The following GCNT1 variants were observed in gnomAD, a reference collection of about 807,000 sequenced individuals.
GCNT1 encodes the protein glucosaminyl (N-acetyl) transferase 1.
In GCNT1, 16 loss-of-function variants were observed where a neutral mutation model predicts 26.2. That is an observed-to-expected ratio of 0.61 (90% confidence interval 0.41 to 0.93). GCNT1 has a LOEUF of 0.93. GCNT1 is among the 40% of genes least tolerant of loss of function. The probability of loss-of-function intolerance (pLI) is 0.00; values close to 1 mark genes in which losing one functional copy is unlikely to be tolerated. For missense variants in GCNT1, 477 were observed against 526.7 expected, an observed-to-expected ratio of 0.91 and a Z score of 0.92; for synonymous variants, 183 against 190.8, an observed-to-expected ratio of 0.96 and a Z score of 0.34.
intron 1 of GCNT1, among the ~76,000 whole-genome samples, chr9:76,434,694 G>A (rs1363238068): frequency 2.0e-5 from 3 of 152,198 alleles, no homozygotes; most frequent in Non-Finnish European, 4.4e-5. Context: ...GACTGCCTGC[G>A]GGGTGGGGCA....
chr9:76,475,204 T>C (rs1191467191), intron 2 of GCNT1, among the ~76,000 whole-genome samples: 2 of 152,246 alleles, frequency 1.3e-5, no homozygotes, highest in African/African-American at 2.4e-5. Context: ...TCAATAACTG[T>C]ACCAAAATAT....
At chr9:76,400,715 G>GA in the GCNT1 span, among the ~76,000 whole-genome samples, 1 of 152,202 alleles carries the variant, frequency 6.6e-6, no homozygotes, top group Non-Finnish European at 1.5e-5. Context: ...GAGAGCAAGG[G>GA]AACCCTGTGA....
In GCNT1 at chr9:76,504,835, A is replaced by C; in HGVS notation, c.*1167A>C. 2.4e-6 allele frequency: 1 copy of C among 413,198 alleles called. No individual in the cohort carries two copies. The highest frequency in any genetic ancestry group is 4.4e-6 in the Non-Finnish European group (1 of 226,106). The allele number at this position is 413,198 out of a possible 1,614,324, so 25.6% of individuals were successfully genotyped here. ...AAGTTTCCTCCTTTCTCAACCTTCC[A>C]CGAGGAGGAAAGAAGTGTGCAGTCA... On this transcript the variant is annotated 3_prime_UTR_variant, in exon 4 of 4. Coordinates refer to ENST00000376730, the MANE Select transcript of GCNT1 (RefSeq NM_001490.5).
intron 2 of GCNT1, among the ~76,000 whole-genome samples, chr9:76,469,741 T>C (rs956495399): frequency 1.3e-5 from 2 of 152,194 alleles, no homozygotes; most frequent in African/African-American, 2.4e-5. Context: ...AGGCTTGCCA[T>C]TGTTCCTGCA....
chr9:76,408,758 G>A, the GCNT1 span, among the ~76,000 whole-genome samples: 1 of 151,946 alleles, frequency 6.6e-6, no homozygotes, highest in African/African-American at 2.4e-5. Flanking sequence ...CACAATCTTG[G>A]CTCACTGCAG....
intron 1 of GCNT1, among the ~76,000 whole-genome samples, chr9:76,426,892 C>A (rs967509017): frequency 6.6e-6 from 1 of 152,096 alleles, no homozygotes; most frequent in Non-Finnish European, 1.5e-5. Flanking sequence ...GCCTGGGCAA[C>A]AAGAGTGAGA....
intron 2 of GCNT1, among the ~76,000 whole-genome samples, chr9:76,482,261 T>TA (rs1187700085): frequency 6.6e-6 from 1 of 151,854 alleles, no homozygotes; most frequent in Non-Finnish European, 1.5e-5. Context: ...TCCTACTCCC[T>TA]AAAACTCCAT....
chr9:76,494,069 C>G (rs527325741), intron 2 of GCNT1, among the ~76,000 whole-genome samples: 2 of 151,900 alleles, frequency 1.3e-5, no homozygotes, highest in Admixed American at 6.6e-5. Flanking sequence ...TTGGTTTGTT[C>G]CCCGCCCCCC....
At chr9:76,492,735 A>T (rs1824780808) in intron 2 of GCNT1, among the ~76,000 whole-genome samples, 2 of 151,334 alleles carry the variant, frequency 1.3e-5, no homozygotes, top group South Asian at 4.2e-4. Context: ...TCTGCAAACC[A>T]CACTGATAAC....
intron 2 of GCNT1, among the ~76,000 whole-genome samples, chr9:76,478,570 A>G (rs1824320403): frequency 6.6e-6 from 1 of 152,242 alleles, no homozygotes; most frequent in Non-Finnish European, 1.5e-5. Flanking sequence ...AATAAATTTC[A>G]GACACAATAG....
intron 2 of GCNT1, among the ~76,000 whole-genome samples, chr9:76,494,863 A>C (rs1438020073): frequency 6.6e-6 from 1 of 151,834 alleles, no homozygotes; most frequent in Non-Finnish European, 1.5e-5. Flanking sequence ...TTCTGTCAGG[A>C]CCCCGGAGCT....
chr9:76,482,213 C>T (rs568813882), intron 2 of GCNT1, among the ~76,000 whole-genome samples: 6 of 151,960 alleles, frequency 3.9e-5, no homozygotes, highest in Non-Finnish European at 5.9e-5. Flanking sequence ...GTTGTACTTA[C>T]GAAAAACAGC....
rs1825236419 is a variant in GCNT1, at chr9:76,506,303, C to T, written c.*2635C>T. ...AAATTAGAAGTCAAACATGGCCAGG[C>T]ACAGTGGCTCACACCTGTAATCTTC... On this transcript the variant is annotated 3_prime_UTR_variant, in exon 4 of 4. Transcript: ENST00000376730. 1.2e-5 allele frequency: 2 copies of T among 166,948 alleles called. No homozygotes were observed. The highest frequency in any genetic ancestry group is 4.8e-5 in the African/African-American group (2 of 41,402). The allele number at this position is 166,948 out of a possible 1,614,324, so 10.3% of individuals were successfully genotyped here. A position where few individuals can be genotyped will look rare whatever the true frequency, so the allele number is the denominator to read the frequency against.
At chr9:76,402,930 G>A in the GCNT1 span, among the ~76,000 whole-genome samples, 54 of 152,166 alleles carry the variant, frequency 3.5e-4, no homozygotes, top group South Asian at 8.3e-3. Flanking sequence ...TGCCTGCCTC[G>A]GCCTCCCAGA....
chr9:76,460,619 A>G (rs996499826), intron 2 of GCNT1, among the ~76,000 whole-genome samples: 3 of 152,170 alleles, frequency 2.0e-5, no homozygotes, highest in Non-Finnish European at 2.9e-5. Flanking sequence ...GAAAACTCAG[A>G]CTGTGTAGAT....
upstream of GCNT1, among the ~76,000 whole-genome samples, chr9:76,417,422 G>C (rs1823142523): frequency 6.6e-6 from 1 of 152,166 alleles, no homozygotes; most frequent in African/African-American, 2.4e-5. Flanking sequence ...ACTGACAATA[G>C]ATGGATGAAC....
chr9:76,480,365 A>T (rs1384008778), intron 2 of GCNT1, among the ~76,000 whole-genome samples: 1 of 152,148 alleles, frequency 6.6e-6, no homozygotes, highest in African/African-American at 2.4e-5. Context: ...TATGAACTTT[A>T]AAGTAGTTTT....
chr9:76,462,604 A>G (rs949437632), intron 2 of GCNT1, among the ~76,000 whole-genome samples: 1 of 152,236 alleles, frequency 6.6e-6, no homozygotes, highest in African/African-American at 2.4e-5. Flanking sequence ...TCTTTGGTTG[A>G]GGAACAAAAT....
At chr9:76,478,539 GACCCAGA>G (rs1266955374) in intron 2 of GCNT1, among the ~76,000 whole-genome samples, 2 of 152,176 alleles carry the variant, frequency 1.3e-5, no homozygotes, top group Admixed American at 1.3e-4. Context: ...TGGTGAGTAA[GACCCAGA>G]ACCCACCAGA....
Sources: gnomAD v4.1 joint callset for allele counts (sites outside exome capture counted in the v4.1 genomes callset) on GRCh38, gnomAD v4.1.1 for gene constraint, MANE v1.5 for transcripts, NCBI Gene and HGNC (gene_info 2026-07-23, HGNC 2026-07-21) for gene names.